The following PCDHA2 variants were observed in gnomAD, a reference collection of about 807,000 sequenced individuals.
PCDHA2 encodes protocadherin alpha-2.
PCDHA2 carries 58 observed loss-of-function variants against 66.0 expected under a neutral mutation model. The observed-to-expected ratio is 0.88, with a 90% CI of 0.71 to 1.09. PCDHA2 has a LOEUF of 1.09. PCDHA2 is among the 50% of genes least tolerant of loss of function. The pLI, the probability that PCDHA2 is intolerant of heterozygous loss-of-function variation, is 0.00. For missense variants in PCDHA2, 1,267 were observed against 1,242.3 expected (o/e 1.02, Z -0.30); for synonymous variants, 634 against 554.0 (o/e 1.14, Z -2.03).
chr5:140,824,265 A>G lies in PCDHA2; in HGVS notation c.2388+26913A>G, dbSNP rs2150133778. 6 of 1,252,372 alleles carry G rather than the reference A, an allele frequency of 4.8e-6. No individual in the cohort carries two copies. In the East Asian group the frequency reaches 6.9e-5, roughly 14 times the overall value. 77.6% of individuals were successfully genotyped at this position (1,252,372 alleles called of 1,614,324 possible). A position where few individuals can be genotyped will look rare whatever the true frequency, so the allele number is the denominator to read the frequency against. On this transcript the variant is annotated intron_variant, in intron 1 of 3. Coordinates refer to ENST00000526136, the MANE Select transcript of PCDHA2 (RefSeq NM_018905.3). ...TGGTACACAATTATTGCACTAATTC[A>G]TGTATTATATGCTTTTTATGAGGCT...
chr5:140,878,474 C>A (rs1227598146), intron 1 of PCDHA2, among the ~76,000 whole-genome samples: 1 of 152,134 alleles, frequency 6.6e-6, no homozygotes, highest in Non-Finnish European at 1.5e-5. Flanking sequence ...AATCATTTCT[C>A]AATTTAAAAA....
intron 1 of PCDHA2, chr5:140,822,267 T>G (rs1554128545): frequency 1.9e-6 from 3 of 1,614,132 alleles, no homozygotes; most frequent in African/African-American, 1.3e-5. Flanking sequence ...TTGGAGCAAA[T>G]GCACAATTGA....
At chr5:140,991,411 C>G (rs905076175) in intron 3 of PCDHA2, among the ~76,000 whole-genome samples, 8 of 152,156 alleles carry the variant, frequency 5.3e-5, no homozygotes, top group Admixed American at 5.2e-4. Flanking sequence ...TCCCATTATG[C>G]TATAACAAAT....
intron 1 of PCDHA2, among the ~76,000 whole-genome samples, chr5:140,806,596 A>G (rs1201550918): frequency 6.6e-6 from 1 of 152,178 alleles, no homozygotes; most frequent in Non-Finnish European, 1.5e-5. Context: ...GAAGTTCCCT[A>G]GAGACCAGTC....
rs1763431287 is a variant in PCDHA2, at chr5:140,804,660, C to T, written c.2388+7308C>T. 3 of 157,140 alleles carry T rather than the reference C, an allele frequency of 1.9e-5. No homozygotes were observed. In the Admixed American group the frequency reaches 2.0e-4, roughly 10 times the overall value. 9.7% of individuals were successfully genotyped at this position (157,140 alleles called of 1,614,324 possible). On this transcript the variant is annotated intron_variant, in intron 1 of 3. Coordinates refer to ENST00000526136, the MANE Select transcript of PCDHA2 (RefSeq NM_018905.3). ...ATCCTGCCTATTAATGTGTGCCATG[C>T]AATAAGTAGAAAACTCCAAATAACC...
intron 1 of PCDHA2, among the ~76,000 whole-genome samples, chr5:140,925,132 T>G (rs2082347636): frequency 6.6e-6 from 1 of 151,168 alleles, no homozygotes; most frequent in Non-Finnish European, 1.5e-5. Context: ...GAAAAAAAAT[T>G]TCAAACATAC....
At chr5:140,933,184 G>T (rs1459868769) in intron 1 of PCDHA2, among the ~76,000 whole-genome samples, 4 of 149,618 alleles carry the variant, frequency 2.7e-5, no homozygotes, top group African/African-American at 4.9e-5. Flanking sequence ...ATAAGATAAT[G>T]GTTCAGGATA....
In PCDHA2 at chr5:140,843,290, C is replaced by A. The variant is rs2150356540; in HGVS notation, c.2388+45938C>A. On this transcript the variant is annotated intron_variant, in intron 1 of 3. Transcript: ENST00000526136. Reference sequence around the variant, plus strand: ...GGTCCTGGTGAAGGATCATGGTGAACCTGCGCTGACCGCCACGGCCACGGT... The same window carrying A: ...GGTCCTGGTGAAGGATCATGGTGAAACTGCGCTGACCGCCACGGCCACGGT... The A allele has an allele frequency of 1.2e-4, 199 of 1,595,966 alleles. 7 individuals carry two copies. The East Asian group carries it at 4.2e-3, about 34-fold the overall frequency.
intron 1 of PCDHA2, chr5:140,810,453 T>C (rs934415076): frequency 6.6e-5 from 10 of 152,372 alleles, no homozygotes; most frequent in Admixed American, 1.3e-4. Flanking sequence ...TTCCTAGTAG[T>C]GCATAAGGCT....
intron 1 of PCDHA2, among the ~76,000 whole-genome samples, chr5:140,901,060 AT>A (rs542927280): frequency 1.3e-5 from 2 of 151,130 alleles, no homozygotes; most frequent in East Asian, 3.9e-4. Flanking sequence ...AGATTATTAG[AT>A]TTTTTTTTCT....
In PCDHA2 at chr5:141,011,714, C is replaced by G. The variant is rs2098421596; in HGVS notation, c.*1777C>G. On this transcript the variant is annotated 3_prime_UTR_variant, in exon 4 of 4. Transcript: ENST00000526136. ...TTTTGGAATGAATACTGACAATATT[C>G]CATGAGGGTGTGCAAGCACAAATTT... 1 of 153,650 alleles carries G rather than the reference C, an allele frequency of 6.5e-6. No individual in the cohort carries two copies. Among genetic ancestry groups the G allele is most frequent in the South Asian group, 2.1e-4 (1 of 4,822 alleles). 9.5% of individuals were successfully genotyped at this position (153,650 alleles called of 1,614,324 possible).
Position 140,857,340 on chromosome 5 carries a change from C to T in PCDHA2, c.2388+59988C>T, listed in dbSNP as rs782392001. ...GTGGTGACCGCGCGGGACGGGGGCTCGCCTCCGCTGTGGGCCACGGCCAGC... is the reference window on the plus strand; with the variant it reads ...GTGGTGACCGCGCGGGACGGGGGCTTGCCTCCGCTGTGGGCCACGGCCAGC... On this transcript the variant is annotated intron_variant, in intron 1 of 3. Coordinates refer to ENST00000526136, the MANE Select transcript of PCDHA2 (RefSeq NM_018905.3). 2.5e-6 allele frequency: 4 copies of T among 1,598,236 alleles called. 1 individual carries two copies. Among genetic ancestry groups the T allele is most frequent in the Non-Finnish European group, 2.6e-6 (3 of 1,167,864 alleles).
rs2150111522 is a variant in PCDHA2 at position 140,821,876 on chromosome 5, T to A, written c.2388+24524T>A. 2.5e-6 allele frequency: 4 copies of A among 1,614,184 alleles called. No homozygotes were observed. In the African/African-American group the frequency reaches 5.3e-5, roughly 22 times the overall value. Reference sequence around the variant, plus strand: ...GGGAGCGGCCAGCTCCACTACTCGATCCCGGAGGAAGCCAAACACGGAACC... The same window carrying A: ...GGGAGCGGCCAGCTCCACTACTCGAACCCGGAGGAAGCCAAACACGGAACC... On this transcript the variant is annotated intron_variant, in intron 1 of 3. Transcript: ENST00000526136.
intron 1 of PCDHA2, among the ~76,000 whole-genome samples, chr5:140,906,368 T>C (rs1554192499): frequency 1.3e-5 from 2 of 152,198 alleles, no homozygotes. Flanking sequence ...CCAACCCAAA[T>C]GCTATTACAT....
chr5:140,797,483 T>C (rs554270263), intron 1 of PCDHA2, 131 bp downstream of exon 1: 1 of 1,031,974 alleles, frequency 9.7e-7, no homozygotes, highest in South Asian at 1.6e-5. Context: ...ATTTTGAATA[T>C]GAATTAGAGA....
intron 1 of PCDHA2, among the ~76,000 whole-genome samples, chr5:140,894,305 T>A (rs1318862417): frequency 6.6e-6 from 1 of 152,078 alleles, no homozygotes; most frequent in East Asian, 1.9e-4. Context: ...TCCTGGAAAG[T>A]TTTCTTAAAT....
At position 141,011,014 on chromosome 5, in the gene PCDHA2, C is replaced by T. The variant is rs2098419102; in HGVS notation, c.*1077C>T. On this transcript the variant is annotated 3_prime_UTR_variant, in exon 4 of 4. Coordinates refer to ENST00000526136, the MANE Select transcript of PCDHA2 (RefSeq NM_018905.3). ...CATCTGTATTATATCGGCCACCTGC[C>T]AATCACAGCTTTACTCTTTCAGGTC... 6.5e-6 allele frequency: 1 copy of T among 153,758 alleles called. No individual in the cohort carries two copies. Among genetic ancestry groups the T allele is most frequent in the Admixed American group, 6.5e-5 (1 of 15,286 alleles). 9.5% of individuals were successfully genotyped at this position (153,758 alleles called of 1,614,324 possible).
chr5:140,808,462 G>T, intron 1 of PCDHA2: 1 of 1,614,200 alleles, frequency 6.2e-7, no homozygotes, highest in Non-Finnish European at 8.5e-7. Flanking sequence ...AGCTGGTGGT[G>T]ACCGCGCGAG....
intron 1 of PCDHA2, chr5:140,822,201 A>G: frequency 6.2e-7 from 1 of 1,614,246 alleles, no homozygotes; most frequent in Non-Finnish European, 8.5e-7. Context: ...TATTCATTTT[A>G]GAGTCAAGAA....
Sources: gnomAD v4.1 joint callset for allele counts (sites outside exome capture counted in the v4.1 genomes callset) on GRCh38, gnomAD v4.1.1 for gene constraint, MANE v1.5 for transcripts, NCBI Gene and HGNC (gene_info 2026-07-23, HGNC 2026-07-21) for gene names.